The following MAL2 variants were observed in gnomAD, a reference collection of about 807,000 sequenced individuals.
The protein encoded by MAL2 is mal, T cell differentiation protein 2.
In MAL2, 17 loss-of-function variants were observed where a neutral mutation model predicts 18.1. The observed-to-expected ratio is 0.94, with a 90% confidence interval of 0.64 to 1.41. The LOEUF (loss-of-function observed/expected upper bound fraction) is 1.41. MAL2 is among the 40% of genes most tolerant of loss of function. The probability of loss-of-function intolerance (pLI) is 0.00; values close to 1 mark genes in which losing one functional copy is unlikely to be tolerated. For missense variants in MAL2, 222 were observed against 231.9 expected (o/e 0.96, Z 0.28); for synonymous variants, 102 against 102.3 (o/e 1.00, Z 0.02).
At chr8:119,241,902 A>G (rs1474014003) in intron 3 of MAL2, among the ~76,000 whole-genome samples, 1 of 152,180 alleles carries the variant, frequency 6.6e-6, no homozygotes, top group Non-Finnish European at 1.5e-5. Flanking sequence ...GCCTTGAATG[A>G]TGCTCATTCT....
At position 119,230,002 on chromosome 8, in the gene MAL2, G is replaced by C. The variant is rs138442472; in HGVS notation, c.303+8245G>C. On this transcript the variant is annotated intron_variant, in intron 2 of 3. Transcript: ENST00000614891. Reference sequence around the variant, plus strand: ...CCCTTCCCATCACAAGGAGACAGCTGCTGACCCACCTGATTTTTTGAGTTA... The same window carrying C: ...CCCTTCCCATCACAAGGAGACAGCTCCTGACCCACCTGATTTTTTGAGTTA... Among the ~76,000 whole-genome samples the C allele has an allele frequency of 2.8e-3, 432 of 152,296 alleles. 1 individual carries two copies. Among genetic ancestry groups the C allele is most frequent in the African/African-American group, 9.8e-3 (407 of 41,562 alleles).
intron 2 of MAL2, among the ~76,000 whole-genome samples, chr8:119,235,408 G>C (rs1817860778): frequency 6.6e-6 from 1 of 152,066 alleles, no homozygotes; most frequent in Non-Finnish European, 1.5e-5. Flanking sequence ...CCCCAATCTA[G>C]CAAGGCAGGC....
chr8:119,219,554 T>TGTGTGA (rs1554638071), intron 1 of MAL2, among the ~76,000 whole-genome samples: 1 of 145,112 alleles, frequency 6.9e-6, no homozygotes, highest in African/African-American at 2.5e-5. Flanking sequence ...TGTGTGTGTG[T>TGTGTGA]GAGAGAGAGA....
At chr8:119,234,055 A>G (rs1427317582) in intron 2 of MAL2, among the ~76,000 whole-genome samples, 1 of 152,164 alleles carries the variant, frequency 6.6e-6, no homozygotes, top group Non-Finnish European at 1.5e-5. Context: ...TACCGGGTTC[A>G]TCTCACTAGG....
At position 119,245,336 on chromosome 8, in the gene MAL2, T is replaced by C. The variant is rs1818130643; in HGVS notation, c.*1848T>C. On this transcript the variant is annotated 3_prime_UTR_variant, in exon 4 of 4. Transcript: ENST00000614891. Reference sequence around the variant, plus strand: ...ACTCTGCTAGAATTTAGGTGTGAGATTTTTTGTTTCCCAGGTATAGCAGGC... The same window carrying C: ...ACTCTGCTAGAATTTAGGTGTGAGACTTTTTGTTTCCCAGGTATAGCAGGC... 6.6e-6 allele frequency: 1 copy of C among 152,590 alleles called. No individual in the cohort carries two copies. Among genetic ancestry groups the C allele is most frequent in the South Asian group, 2.1e-4 (1 of 4,828 alleles). 9.5% of individuals were successfully genotyped at this position (152,590 alleles called of 1,614,324 possible). A position where few individuals can be genotyped will look rare whatever the true frequency, so the allele number is the denominator to read the frequency against.
Position 119,208,713 on chromosome 8 carries a change from C to T in MAL2, c.132+109C>T. On this transcript the variant is annotated intron_variant, in intron 1 of 3. Transcript: ENST00000614891. This position sits in a 1 kb window ranked among gnomAD's most constrained non-coding sequence, Gnocchi z 4.3. ...CGTCCGCCCCCGGCCTCCTTCCCTT[C>T]GACGTGGCTTTGTCCTGCGCTCCCT... 1 of 1,211,100 alleles carries T rather than the reference C, an allele frequency of 8.3e-7. No homozygotes were observed. The highest frequency in any genetic ancestry group is 1.0e-6 in the Non-Finnish European group (1 of 973,810). The allele number at this position is 1,211,100 out of a possible 1,614,324, so 75.0% of individuals were successfully genotyped here.
At position 119,213,943 on chromosome 8, in the gene MAL2, C is replaced by T. The variant is rs548092944; in HGVS notation, c.132+5339C>T. Among the ~76,000 whole-genome samples the T allele has an allele frequency of 1.3e-4, 20 of 152,084 alleles. No individual in the cohort carries two copies. In the East Asian group the frequency reaches 1.3e-3, roughly 10 times the overall value. On this transcript the variant is annotated intron_variant, in intron 1 of 3. Transcript: ENST00000614891. ...ACTGGCAGTCCTTTAAAAAAAAATA[C>T]GAAGAACTGAAATATGGAAAACTTT...
chr8:119,232,953 C>A (rs1327077205), intron 2 of MAL2, among the ~76,000 whole-genome samples: 4 of 152,080 alleles, frequency 2.6e-5, no homozygotes, highest in Non-Finnish European at 5.9e-5. Context: ...GGCTGAGAGA[C>A]AGTTTGTTAT....
At chr8:119,226,455 A>G (rs1817597428) in intron 2 of MAL2, among the ~76,000 whole-genome samples, 1 of 126,962 alleles carries the variant, frequency 7.9e-6, no homozygotes, top group Non-Finnish European at 1.6e-5. Flanking sequence ...TGAAACGAAG[A>G]GCAAACATGG....
Position 119,208,455 on chromosome 8 carries a change from A to AGCAGCG in MAL2, c.-6_-1dup, listed in dbSNP as rs749890046. ...AGGCGGCGGCGGCGCGCGGAGACGC[A>AGCAGCG]GCAGCGGCAGCGGCAGCATGTCGGC... On this transcript the variant is annotated 5_prime_UTR_variant, in exon 1 of 4. Coordinates refer to ENST00000614891, the MANE Select transcript of MAL2 (RefSeq NM_052886.3). This position sits in a 1 kb window ranked among gnomAD's most constrained non-coding sequence, Gnocchi z 4.3. 2,068 of 1,218,914 alleles carry AGCAGCG rather than the reference A, an allele frequency of 1.7e-3. 3 individuals carry two copies. Among genetic ancestry groups the AGCAGCG allele is most frequent in the Non-Finnish European group, 1.7e-3 (1,615 of 977,670 alleles). 75.5% of individuals were successfully genotyped at this position (1,218,914 alleles called of 1,614,324 possible). A position where few individuals can be genotyped will look rare whatever the true frequency, so the allele number is the denominator to read the frequency against.
chr8:119,228,359 A>G (rs1464097192), intron 2 of MAL2, among the ~76,000 whole-genome samples: 1 of 152,158 alleles, frequency 6.6e-6, no homozygotes, highest in African/African-American at 2.4e-5. Flanking sequence ...AACATAAATC[A>G]TAAAGGATTT....
At chr8:119,234,091 A>G (rs1361361947) in intron 2 of MAL2, among the ~76,000 whole-genome samples, 1 of 152,214 alleles carries the variant, frequency 6.6e-6, no homozygotes, top group Admixed American at 6.5e-5. Flanking sequence ...GGCACAGGCC[A>G]GTGGGTGCGC....
At chr8:119,239,620 G>A (rs1480743245) in intron 2 of MAL2, among the ~76,000 whole-genome samples, 2 of 151,684 alleles carry the variant, frequency 1.3e-5, no homozygotes, top group South Asian at 2.1e-4. Flanking sequence ...GGCCTTTGTA[G>A]GGACATGGAT....
chr8:119,237,738 AC>A lies in MAL2; in HGVS notation c.304-2424del, dbSNP rs887227155. On this transcript the variant is annotated intron_variant, in intron 2 of 3. Coordinates refer to ENST00000614891, the MANE Select transcript of MAL2 (RefSeq NM_052886.3). ...AAAAAGCCTTTGACAAAATTCAACA[AC>A]CCTTCATGCTAAAAACTCTCAAGAA... Among the ~76,000 whole-genome samples the A allele has an allele frequency of 1.3e-5, 2 of 151,692 alleles. 1 individual carries two copies. Among genetic ancestry groups the A allele is most frequent in the South Asian group, 4.1e-4 (2 of 4,832 alleles).
intron 1 of MAL2, among the ~76,000 whole-genome samples, chr8:119,209,653 T>A (rs140668388): frequency 6.6e-6 from 1 of 152,310 alleles, no homozygotes; most frequent in African/African-American, 2.4e-5. Context: ...TAACCTTTAT[T>A]TGGGTCGCTT....
rs528022724 is a variant in MAL2 at position 119,218,947 on chromosome 8, T to G, written c.133-2640T>G. Among the ~76,000 whole-genome samples, 4 of 152,308 alleles carry G rather than the reference T, an allele frequency of 2.6e-5. No individual in the cohort carries two copies. The South Asian group carries it at 8.3e-4, about 32-fold the overall frequency. On this transcript the variant is annotated intron_variant, in intron 1 of 3. Transcript: ENST00000614891. The stretch of plus-strand genomic sequence containing the variant: ...ATTTAAAGTTATGTAGGTTATTCTT[T>G]GTGGGAGAGTAAGAAAAGACTACCA...
chr8:119,229,568 T>A (rs188170165), intron 2 of MAL2, among the ~76,000 whole-genome samples: 24 of 152,224 alleles, frequency 1.6e-4, no homozygotes, highest in African/African-American at 5.8e-4. Flanking sequence ...CACATCGGCC[T>A]CCCAAAGTGC....
intron 2 of MAL2, among the ~76,000 whole-genome samples, chr8:119,230,167 C>G (rs1339500674): frequency 6.6e-6 from 1 of 152,190 alleles, no homozygotes; most frequent in Non-Finnish European, 1.5e-5. Context: ...TTACTAGAGG[C>G]TCTAAAACTC....
chr8:119,221,245 T>G (rs1421347976), intron 1 of MAL2: 2 of 187,126 alleles, frequency 1.1e-5, no homozygotes, highest in Non-Finnish European at 2.2e-5. Flanking sequence ...AAAAATACCT[T>G]CATTGAAAAG....
Sources: gnomAD v4.1 joint callset for allele counts (sites outside exome capture counted in the v4.1 genomes callset) on GRCh38, gnomAD v4.1.1 for gene constraint, Gnocchi (gnomAD v3.1) non-coding constraint, MANE v1.5 for transcripts, NCBI Gene and HGNC (gene_info 2026-07-23, HGNC 2026-07-21) for gene names.